The following CDH13 variants were observed in gnomAD, a reference collection of about 807,000 sequenced individuals.
The protein encoded by CDH13 is cadherin-13.
Under a neutral mutation model 63.8 loss-of-function variants are expected in CDH13, and 24 were observed. That is an observed-to-expected ratio of 0.38 (90% CI 0.27 to 0.53). The LOEUF is 0.53. CDH13 is among the 20% of genes least tolerant of loss of function. The pLI, the probability that CDH13 is intolerant of heterozygous loss-of-function variation, is 0.85. For synonymous variants in CDH13, 503 were observed against 355.3 expected, an observed-to-expected ratio of 1.42 and a Z score of -4.67; for missense variants, 1,049 against 903.1, an observed-to-expected ratio of 1.16 and a Z score of -2.07.
chr16:83,389,896 G>C (rs967429833), intron 6 of CDH13, among the ~76,000 whole-genome samples: 1 of 152,134 alleles, frequency 6.6e-6, no homozygotes, highest in Non-Finnish European at 1.5e-5. Flanking sequence ...ATGCAGACAG[G>C]GTCTGATAAC....
At chr16:83,226,005 A>T (rs1166209947) in intron 5 of CDH13, among the ~76,000 whole-genome samples, 3 of 152,198 alleles carry the variant, frequency 2.0e-5, no homozygotes, top group East Asian at 3.8e-4. Context: ...CTGCTTTCTA[A>T]TGCCTCCTTG....
At chr16:82,773,785 C>T (rs1300777148) in intron 1 of CDH13, among the ~76,000 whole-genome samples, 1 of 148,638 alleles carries the variant, frequency 6.7e-6, no homozygotes, top group Non-Finnish European at 1.5e-5. Context: ...TTTTCTTCTT[C>T]TTCTTCTTTT....
intron 6 of CDH13, among the ~76,000 whole-genome samples, chr16:83,451,656 C>T (rs2072890263): frequency 6.6e-6 from 1 of 152,134 alleles, no homozygotes; most frequent in Non-Finnish European, 1.5e-5. Flanking sequence ...TAGCTGGGAC[C>T]ACTGGTATGC....
chr16:83,732,329 G>A (rs1162961302), intron 10 of CDH13, among the ~76,000 whole-genome samples: 1 of 152,192 alleles, frequency 6.6e-6, no homozygotes, highest in Non-Finnish European at 1.5e-5. Context: ...CAGCCAAGGG[G>A]AGAGGTGAGG....
At chr16:83,081,002 C>T (rs186260321) in intron 3 of CDH13, among the ~76,000 whole-genome samples, 5 of 150,542 alleles carry the variant, frequency 3.3e-5, no homozygotes, top group Non-Finnish European at 5.9e-5. Flanking sequence ...CTGCCTCAGC[C>T]TCCCGAGTAA....
In CDH13 at chr16:83,372,131, T is replaced by C. The variant is rs144486094; in HGVS notation, c.781+27125T>C. Among the ~76,000 whole-genome samples, 9 of 152,314 alleles carry C rather than the reference T, an allele frequency of 5.9e-5. No individual in the cohort carries two copies. The East Asian group carries it at 1.7e-3, about 29-fold the overall frequency. ...CCACCACTGTACTACGCCTTTCAGA[T>C]GTACACCTCACTCATTCCCAGTTTG... is the stretch of plus-strand genomic sequence containing the variant. On this transcript the variant is annotated intron_variant, in intron 6 of 13. Coordinates refer to ENST00000567109, the MANE Select transcript of CDH13 (RefSeq NM_001257.5).
At chr16:82,657,452 C>A (rs538090116) in intron 1 of CDH13, among the ~76,000 whole-genome samples, 1 of 152,092 alleles carries the variant, frequency 6.6e-6, no homozygotes, top group Admixed American at 6.5e-5. Context: ...TTCACATTCC[C>A]GGCAGGATGG....
At chr16:83,722,476 G>A (rs771248937) in intron 10 of CDH13, among the ~76,000 whole-genome samples, 12 of 152,108 alleles carry the variant, frequency 7.9e-5, no homozygotes, top group Admixed American at 2.0e-4. Context: ...ACTCGAAACT[G>A]GCCACATTGG....
chr16:83,119,409 G>T (rs2035461794), intron 3 of CDH13, among the ~76,000 whole-genome samples: 1 of 151,996 alleles, frequency 6.6e-6, no homozygotes, highest in Admixed American at 6.6e-5. Context: ...CGTCCAGCAG[G>T]CTCCTCAACG....
intron 3 of CDH13, among the ~76,000 whole-genome samples, chr16:83,116,013 C>T (rs1215731540): frequency 1.3e-5 from 2 of 152,200 alleles, no homozygotes; most frequent in African/African-American, 4.8e-5. Flanking sequence ...GAAGTAGGAT[C>T]ATTCCTCTCA....
At chr16:83,402,864 TAGATA>T (rs2091988732) in intron 6 of CDH13, among the ~76,000 whole-genome samples, 1 of 152,220 alleles carries the variant, frequency 6.6e-6, no homozygotes. Context: ...CTATTAAACT[TAGATA>T]CGTCCCCTTC....
chr16:82,880,399 G>T (rs535589578), intron 2 of CDH13, among the ~76,000 whole-genome samples: 46 of 152,270 alleles, frequency 3.0e-4, no homozygotes, highest in Non-Finnish European at 5.7e-4. Context: ...TACTAATGTG[G>T]ATATTGAATG....
chr16:83,378,593 G>A (rs2091499175), intron 6 of CDH13, among the ~76,000 whole-genome samples: 1 of 152,126 alleles, frequency 6.6e-6, no homozygotes, highest in Non-Finnish European at 1.5e-5. Context: ...ACAGTGGAGT[G>A]ATTAAGACTC....
chr16:83,690,383 T>C (rs1479172605), intron 10 of CDH13, among the ~76,000 whole-genome samples: 1 of 151,798 alleles, frequency 6.6e-6, no homozygotes, highest in Non-Finnish European at 1.5e-5. Context: ...AGTGAAGAAT[T>C]GGAGGAAGTG....
chr16:83,364,349 A>T (rs1414737030), intron 6 of CDH13, among the ~76,000 whole-genome samples: 1 of 152,166 alleles, frequency 6.6e-6, no homozygotes, highest in Non-Finnish European at 1.5e-5. Flanking sequence ...GCTTTGATGT[A>T]ACTGTACTGT....
intron 10 of CDH13, among the ~76,000 whole-genome samples, chr16:83,698,737 T>C (rs1211117440): frequency 6.6e-6 from 1 of 152,248 alleles, no homozygotes; most frequent in Non-Finnish European, 1.5e-5. Context: ...CGTCTTGCCC[T>C]GTATTGTCTT....
At chr16:82,894,627 G>A (rs1294894659) in intron 2 of CDH13, among the ~76,000 whole-genome samples, 2 of 152,038 alleles carry the variant, frequency 1.3e-5, no homozygotes, top group African/African-American at 4.8e-5. Flanking sequence ...GGGCAACACA[G>A]CAAAACCTCC....
At chr16:83,001,688 G>A (rs1285788336) in intron 2 of CDH13, among the ~76,000 whole-genome samples, 1 of 152,206 alleles carries the variant, frequency 6.6e-6, no homozygotes, top group Non-Finnish European at 1.5e-5. Flanking sequence ...AAGGGGTTCT[G>A]TGTGACCATT....
intron 2 of CDH13, among the ~76,000 whole-genome samples, chr16:82,898,492 T>C (rs1310155319): frequency 6.6e-6 from 1 of 152,210 alleles, no homozygotes; most frequent in African/African-American, 2.4e-5. Context: ...GCCACTGCCC[T>C]ACAGCTTGGG....
Sources: allele counts gnomAD v4.1 joint callset (sites outside exome capture counted in the v4.1 genomes callset), GRCh38; gene constraint gnomAD v4.1.1; transcripts MANE v1.5; gene names NCBI Gene and HGNC (gene_info 2026-07-23, HGNC 2026-07-21).